Variants in NOP9 observed in about 807,000 individuals in gnomAD.
The protein encoded by NOP9 is nucleolar protein 9.
Under a neutral mutation model 63.0 loss-of-function variants are expected in NOP9, and 50 were observed. That is an observed-to-expected ratio of 0.79 (90% confidence interval 0.63 to 1.00). The LOEUF is 1.00. Ranked by LOEUF, NOP9 falls within the 50% of genes least tolerant of loss-of-function variation. The pLI is 0.00. For missense variants in NOP9, 758 were observed against 803.0 expected (o/e 0.94, Z 0.68); for synonymous variants, 343 against 332.8 (o/e 1.03, Z -0.33).
chr14:24,303,231 C>T lies in NOP9; in HGVS notation c.1284+17C>T. 2 of 1,613,940 alleles carry T rather than the reference C, an allele frequency of 1.2e-6. No homozygotes were observed. The highest frequency in any genetic ancestry group is 1.7e-6 in the Non-Finnish European group (2 of 1,179,908). ...TTGTTGGAGGTGAGTGGATATTACCCACAATCTGTTTATGCCCTCAGTTCA... is the reference window on the plus strand; with the variant it reads ...TTGTTGGAGGTGAGTGGATATTACCTACAATCTGTTTATGCCCTCAGTTCA... On this transcript the variant is annotated intron_variant, in intron 6 of 9. Transcript: ENST00000267425.
intron 6 of NOP9, 81 bp downstream of exon 6, chr14:24,303,295 G>C: frequency 3.2e-6 from 5 of 1,567,298 alleles, no homozygotes; most frequent in Non-Finnish European, 4.4e-6. Context: ...TTAAGTTTTT[G>C]TACCTCTGGA....
rs1421278211 is a variant in NOP9, at chr14:24,301,632, C to G, written c.718C>G (p.Gln240Glu). 5.0e-6 allele frequency: 8 copies of G among 1,614,024 alleles called. No homozygotes were observed. Among genetic ancestry groups the G allele is most frequent in the African/African-American group, 2.7e-5 (2 of 74,906 alleles). The change falls in exon 3 of 10, where the codon CAG (glutamine) becomes GAG (glutamate). Residue 240 changes from glutamine (Q) to glutamate (E), a missense_variant. Physicochemically the swap from Gln to Glu is conservative, Grantham distance 29 (BLOSUM62 2). Coordinates refer to ENST00000267425, the MANE Select transcript of NOP9 (RefSeq NM_174913.3). ...QSSEAQKTPA[Q>E]ECKPADFEVP... is the part of the protein sequence containing the mutation. ...TTCAGAAGCACAGAAGACCCCAGCTCAGGAATGTAAGCCAGCTGATTTTGA... is the reference window on the plus strand; with the variant it reads ...TTCAGAAGCACAGAAGACCCCAGCTGAGGAATGTAAGCCAGCTGATTTTGA...
chr14:24,274,356 G>A, the NOP9 span, among the ~76,000 whole-genome samples: 1 of 152,168 alleles, frequency 6.6e-6, no homozygotes, highest in African/African-American at 2.4e-5. Flanking sequence ...ATCAGAGAAG[G>A]CAGGGCTTGA....
upstream of NOP9, chr14:24,299,700 A>G: frequency 2.2e-6 from 1 of 460,250 alleles, no homozygotes; most frequent in Admixed American, 3.8e-5. Context: ...CTGTAGTAGG[A>G]CCCGGGGCGA....
At chr14:24,290,973 C>A in the NOP9 span, 2 of 1,614,068 alleles carry the variant, frequency 1.2e-6, no homozygotes, top group East Asian at 4.5e-5. Context: ...AGCTCAAAGA[C>A]AAATAGTCTT....
rs575006409 is a variant in NOP9 at position 24,299,935 on chromosome 14, G to C, written c.-20G>C. ...CGCAGTTAAGGAAGCTTTTGCAGCCGGACAGGTCGCGAAGCACACATGGGG... is the reference window on the plus strand; with the variant it reads ...CGCAGTTAAGGAAGCTTTTGCAGCCCGACAGGTCGCGAAGCACACATGGGG... On this transcript the variant is annotated 5_prime_UTR_variant, in exon 1 of 10. Transcript: ENST00000267425. The C allele has an allele frequency of 1.6e-5, 24 of 1,518,556 alleles. 1 individual carries two copies. In the Admixed American group the frequency reaches 2.9e-4, roughly 18 times the overall value. The allele number at this position is 1,518,556 out of a possible 1,614,324, so 94.1% of individuals were successfully genotyped here. A position where few individuals can be genotyped will look rare whatever the true frequency, so the allele number is the denominator to read the frequency against.
chr14:24,297,956 A>T (rs1279422826), upstream of NOP9, among the ~76,000 whole-genome samples: 2 of 152,150 alleles, frequency 1.3e-5, no homozygotes, highest in Non-Finnish European at 2.9e-5. Context: ...TATTCTGTGC[A>T]TATCTCCCTC....
chr14:24,277,258 T>A, the NOP9 span, among the ~76,000 whole-genome samples: 1 of 152,188 alleles, frequency 6.6e-6, no homozygotes. Context: ...GAGGAAGGGC[T>A]ACTTCTCACA....
intron 9 of NOP9, 47 bp from the exon 10 acceptor site, chr14:24,304,889 GTC>G: frequency 6.7e-7 from 1 of 1,487,750 alleles, no homozygotes; most frequent in Non-Finnish European, 8.9e-7. Context: ...GTCAAGTAGA[GTC>G]TGTCTTTGAG....
chr14:24,294,589 AAACAACAACAACAACAACAACAAC>A, the NOP9 span: 13 of 150,326 alleles, frequency 8.6e-5, no homozygotes, highest in Admixed American at 2.6e-4. Context: ...TTCCACCTCA[AAACAACAACAACAACAACAACAAC>A]AACAACAACA....
In NOP9 at chr14:24,306,609, A is replaced by G; in HGVS notation, c.*1514A>G. 1 of 1,568,468 alleles carries G rather than the reference A, an allele frequency of 6.4e-7. No homozygotes were observed. Among genetic ancestry groups the G allele is most frequent in the Non-Finnish European group, 8.7e-7 (1 of 1,142,900 alleles). ...TGCCCAACATCCATCAGTTGGCTCT[A>G]GACATTGGTCGATGTCCCACTTTGA... is the stretch of plus-strand genomic sequence containing the variant. On this transcript the variant is annotated 3_prime_UTR_variant, in exon 10 of 10. Transcript: ENST00000267425.
In NOP9 at chr14:24,305,566, T is replaced by C; in HGVS notation, c.*471T>C. On this transcript the variant is annotated 3_prime_UTR_variant, in exon 10 of 10. Coordinates refer to ENST00000267425, the MANE Select transcript of NOP9 (RefSeq NM_174913.3). ...CTGTACTGTCTGCAGGTCCTGAAAT[T>C]TGATGCTGTCATAGTCTTTGCAGTG... 6.5e-7 allele frequency: 1 copy of C among 1,550,050 alleles called. No individual in the cohort carries two copies. The highest frequency in any genetic ancestry group is 1.2e-5 in the South Asian group (1 of 80,532).
chr14:24,283,669 G>C, the NOP9 span, among the ~76,000 whole-genome samples: 1 of 152,210 alleles, frequency 6.6e-6, no homozygotes, highest in African/African-American at 2.4e-5. Flanking sequence ...CAGAGAGACA[G>C]CTGGCCTCAT....
the NOP9 span, among the ~76,000 whole-genome samples, chr14:24,284,862 C>A: frequency 6.6e-6 from 1 of 152,116 alleles, no homozygotes; most frequent in Non-Finnish European, 1.5e-5. Flanking sequence ...GCTCCTCACT[C>A]TCTGTGCCTG....
chr14:24,305,511 A>C lies in NOP9; in HGVS notation c.*416A>C. On this transcript the variant is annotated 3_prime_UTR_variant, in exon 10 of 10. Coordinates refer to ENST00000267425, the MANE Select transcript of NOP9 (RefSeq NM_174913.3). The stretch of plus-strand genomic sequence containing the variant: ...GGTTCTGTCACGAGGGGATCAGAGG[A>C]CAGTGGGGAAATTGGGTGGGTTATC... The C allele has an allele frequency of 8.3e-7, 1 of 1,203,080 alleles. No individual in the cohort carries two copies. Among genetic ancestry groups the C allele is most frequent in the Non-Finnish European group, 1.2e-6 (1 of 854,324 alleles). 74.5% of individuals were successfully genotyped at this position (1,203,080 alleles called of 1,614,324 possible).
Position 24,306,549 on chromosome 14 carries a change from G to C in NOP9, c.*1454G>C, listed in dbSNP as rs1329718129. 6.2e-7 allele frequency: 1 copy of C among 1,614,184 alleles called. No individual in the cohort carries two copies. The highest frequency in any genetic ancestry group is 1.7e-5 in the Admixed American group (1 of 60,030). On this transcript the variant is annotated 3_prime_UTR_variant, in exon 10 of 10. Coordinates refer to ENST00000267425, the MANE Select transcript of NOP9 (RefSeq NM_174913.3). ...CTGCCCAATGGCAAGAAGCAAGAAGGGCAGGTCTTATCCCATGCCCCTTCC... is the reference window on the plus strand; with the variant it reads ...CTGCCCAATGGCAAGAAGCAAGAAGCGCAGGTCTTATCCCATGCCCCTTCC...
the NOP9 span, among the ~76,000 whole-genome samples, chr14:24,275,365 G>A: frequency 6.6e-6 from 1 of 152,190 alleles, no homozygotes; most frequent in Admixed American, 6.5e-5. Flanking sequence ...ATTTTACAAT[G>A]AAGCAACAGG....
chr14:24,300,190 G>T lies in NOP9; in HGVS notation c.236G>T (p.Gly79Val). ...GCATTGAAAGAGGCTCCCGAGACTG[G>T]GGAAGAACGAGGTAGGCAGCAACTT... Reference protein sequence around the residue: ...LSALKEAPETGEERDLMVHNI... With the variant: ...LSALKEAPETVEERDLMVHNI... The change falls in exon 1 of 10, where the codon GGG becomes GTG. Residue 79 changes from glycine (G) to valine (V), a missense_variant. Physicochemically the swap from Gly to Val is moderately radical, Grantham distance 109. Transcript: ENST00000267425. The T allele has an allele frequency of 3.7e-6, 6 of 1,613,918 alleles. No homozygotes were observed. Among genetic ancestry groups the T allele is most frequent in the Non-Finnish European group, 5.1e-6 (6 of 1,179,874 alleles).
In NOP9 at chr14:24,303,823, C is replaced by A. The variant is rs150879895; in HGVS notation, c.1376C>A (p.Thr459Lys). Residue 459 changes from threonine to lysine, a missense_variant, in exon 7 of 10, where the codon ACG (threonine) becomes AAG (lysine). Coordinates refer to ENST00000267425, the MANE Select transcript of NOP9 (RefSeq NM_174913.3). ...GCTTATGAGGTGTACTATGGACTGA[C>A]GGAGGAGGAGGGGGCAGTGCCTGCA... ...LMAYEVYYGL[T>K]EEEGAVPAEH... The A allele has an allele frequency of 6.2e-7, 1 of 1,614,060 alleles. No homozygotes were observed. Among genetic ancestry groups the A allele is most frequent in the Non-Finnish European group, 8.5e-7 (1 of 1,180,002 alleles).
Sources: gnomAD v4.1 joint callset for allele counts (sites outside exome capture counted in the v4.1 genomes callset) on GRCh38, gnomAD v4.1.1 for gene constraint, MANE v1.5 for transcripts, NCBI Gene and HGNC (gene_info 2026-07-23, HGNC 2026-07-21) for gene names.